The following CNKSR2 variants were observed in gnomAD, a reference collection of about 807,000 sequenced individuals.
The protein encoded by CNKSR2 is connector enhancer of kinase suppressor of Ras 2.
CNKSR2 carries 14 observed loss-of-function variants against 84.4 expected under a neutral mutation model. That is an observed-to-expected ratio of 0.17 (90% confidence interval 0.11 to 0.26). CNKSR2 has a LOEUF of 0.26. Among genes scored for constraint, CNKSR2 ranks in the 10% least tolerant of loss-of-function variants. CNKSR2 has a pLI of 1.00. For missense variants in CNKSR2, 485 were observed against 771.2 expected, an observed-to-expected ratio of 0.63 and a Z score of 4.40; for synonymous variants, 275 against 277.9, an observed-to-expected ratio of 0.99 and a Z score of 0.10.
intron 2 of CNKSR2, among the ~76,000 whole-genome samples, chrX:21,431,045 C>T (rs1157340084): frequency 1.8e-5 from 2 of 111,805 alleles, no homozygotes; most frequent in Non-Finnish European, 3.8e-5. Context: ...CAGCAAAAGA[C>T]AAGCAGACTT....
intron 11 of CNKSR2, among the ~76,000 whole-genome samples, chrX:21,537,266 G>C (rs980859995): frequency 9.0e-5 from 10 of 111,181 alleles, no homozygotes; most frequent in African/African-American, 3.3e-4. Context: ...AAAATTTGTT[G>C]AAACTTGTGG....
intron 11 of CNKSR2, among the ~76,000 whole-genome samples, chrX:21,552,336 C>T (rs758555713): frequency 4.3e-4 from 48 of 111,896 alleles, no homozygotes; most frequent in Admixed American, 1.7e-3. Flanking sequence ...CATTCACATA[C>T]TACATCTTTG....
chrX:21,491,605 T>TGTA (rs1454536479), intron 6 of CNKSR2: 1 of 111,990 alleles, frequency 8.9e-6, no homozygotes, highest in Non-Finnish European at 1.9e-5. Context: ...TCTGGTTATC[T>TGTA]GTAGTTCCTA....
intron 1 of CNKSR2, among the ~76,000 whole-genome samples, chrX:21,392,085 G>T (rs1446081458): frequency 9.0e-6 from 1 of 111,688 alleles, no homozygotes. Flanking sequence ...TTCCATATGA[G>T]GTTACCTCAG....
At chrX:21,645,404 T>C (rs2092703986) in intron 20 of CNKSR2, 1 of 111,903 alleles carries the variant, frequency 8.9e-6, no homozygotes, top group Non-Finnish European at 1.9e-5. Flanking sequence ...AAATATAATT[T>C]GGGGGGAAAT....
intron 3 of CNKSR2, among the ~76,000 whole-genome samples, chrX:21,434,794 A>G (rs1338681000): frequency 3.6e-5 from 4 of 109,906 alleles, no homozygotes; most frequent in Non-Finnish European, 7.6e-5. Context: ...AAAGAAAAAG[A>G]AAGAATAGGT....
At chrX:21,538,044 G>A (rs980311693) in intron 11 of CNKSR2, 1 of 111,109 alleles carries the variant, frequency 9.0e-6, no homozygotes, top group African/African-American at 3.3e-5. Context: ...TTATTCTTTT[G>A]TGTGCTTCCA....
At chrX:21,525,078 G>A (rs2091821977) in intron 9 of CNKSR2, among the ~76,000 whole-genome samples, 2 of 111,285 alleles carry the variant, frequency 1.8e-5, no homozygotes, top group Admixed American at 1.9e-4. Flanking sequence ...TCCTGACAGA[G>A]AGGAAAACAG....
intron 11 of CNKSR2, among the ~76,000 whole-genome samples, chrX:21,544,592 G>T (rs1172021017): frequency 8.9e-6 from 1 of 112,028 alleles, no homozygotes; most frequent in Admixed American, 9.4e-5. Flanking sequence ...ACTTTCGGTG[G>T]CTGGCAAGAT....
chrX:21,459,109 G>A (rs759861101), intron 4 of CNKSR2, among the ~76,000 whole-genome samples: 16 of 97,105 alleles, frequency 1.6e-4, no homozygotes, highest in East Asian at 1.4e-3. Flanking sequence ...TGCAATGCCC[G>A]CCTCCTGGGT....
chrX:21,531,767 G>A (rs2091888380), intron 10 of CNKSR2, 89 bp from the exon 11 acceptor site: 2 of 537,238 alleles, frequency 3.7e-6, no homozygotes, highest in Admixed American at 3.2e-5. Context: ...TATATTGTAT[G>A]GGAGTAAATT....
intron 20 of CNKSR2, among the ~76,000 whole-genome samples, chrX:21,614,792 G>T (rs1277069937): frequency 1.8e-5 from 2 of 110,934 alleles, no homozygotes; most frequent in Non-Finnish European, 3.8e-5. Flanking sequence ...TCAGAGGTGG[G>T]GTTGTTCTGG....
chrX:21,531,368 T>C (rs1216127801), intron 10 of CNKSR2, among the ~76,000 whole-genome samples: 2 of 110,419 alleles, frequency 1.8e-5, no homozygotes, highest in East Asian at 5.7e-4. Context: ...CTAAAAACAA[T>C]TTATGTGCTA....
chrX:21,561,508 T>C lies in CNKSR2; in HGVS notation c.1341T>C (p.Asn447=). The part of the protein sequence containing the change: ...LRPISMPVEY[N]WVGDYEDPNK... ...CTATATCTATGCCAGTGGAATATAA[T>C]TGGGTGGGGGACTATGAAGATCCAA... Residue 447 remains asparagine (N), a synonymous_variant, in exon 12 of 22, where the codon AAT becomes AAC. Coordinates refer to ENST00000379510, the MANE Select transcript of CNKSR2 (RefSeq NM_014927.5). 2 of 1,207,352 alleles carry C rather than the reference T, an allele frequency of 1.7e-6. No individual in the cohort carries two copies. Among genetic ancestry groups the C allele is most frequent in the Non-Finnish European group, 2.2e-6 (2 of 892,310 alleles).
intron 20 of CNKSR2, among the ~76,000 whole-genome samples, chrX:21,616,531 C>CA (rs2092577436): frequency 8.9e-6 from 1 of 111,947 alleles, no homozygotes; most frequent in African/African-American, 3.2e-5. Context: ...ATGTGTTCAG[C>CA]ATACCCTCTT....
chrX:21,629,422 C>T (rs980258400), intron 20 of CNKSR2, among the ~76,000 whole-genome samples: 2 of 111,953 alleles, frequency 1.8e-5, no homozygotes, highest in East Asian at 5.6e-4. Flanking sequence ...TTTCACACTG[C>T]TGATAAAGAC....
At chrX:21,398,296 CTT>C (rs1460303407) in intron 1 of CNKSR2, among the ~76,000 whole-genome samples, 1 of 111,643 alleles carries the variant, frequency 9.0e-6, no homozygotes, top group African/African-American at 3.3e-5. Context: ...ATATAGGTCT[CTT>C]GTACTATGTG....
intron 13 of CNKSR2, among the ~76,000 whole-genome samples, chrX:21,586,718 C>T (rs1032469842): frequency 1.8e-5 from 2 of 111,021 alleles, no homozygotes; most frequent in African/African-American, 6.5e-5. Context: ...TCAAAAGAGC[C>T]ACTATCAACT....
chrX:21,515,879 G>T (rs1181519623), intron 8 of CNKSR2, among the ~76,000 whole-genome samples: 2 of 111,885 alleles, frequency 1.8e-5, no homozygotes, highest in South Asian at 3.7e-4. Flanking sequence ...TCCAATAGCT[G>T]CTTCATTGGA....
Sources: allele counts gnomAD v4.1 joint callset (sites outside exome capture counted in the v4.1 genomes callset), GRCh38; gene constraint gnomAD v4.1.1; transcripts MANE v1.5; gene names NCBI Gene and HGNC (gene_info 2026-07-23, HGNC 2026-07-21).